Variants in FNIP2 observed in about 807,000 individuals in gnomAD.
FNIP2 encodes folliculin-interacting protein 2.
FNIP2 carries 32 observed loss-of-function variants against 108.7 expected under a neutral mutation model. The ratio of observed to expected loss-of-function variants is 0.29; its 90% CI spans 0.22 to 0.40. The LOEUF (loss-of-function observed/expected upper bound fraction) is 0.40. Among genes scored for constraint, FNIP2 ranks in the 10% least tolerant of loss-of-function variants. The probability of loss-of-function intolerance (pLI) is 1.00; values close to 1 mark genes in which losing one functional copy is unlikely to be tolerated. For missense variants in FNIP2, 1,202 were observed against 1,381.6 expected, an observed-to-expected ratio of 0.87 and a Z score of 2.06; for synonymous variants, 480 against 496.7, an observed-to-expected ratio of 0.97 and a Z score of 0.45.
At chr4:158,895,702 C>A in intron 15 of FNIP2, 48 bp from the exon 16 acceptor site, 2 of 1,156,606 alleles carry the variant, frequency 1.7e-6, no homozygotes, top group Non-Finnish European at 2.6e-6. Flanking sequence ...AAAATATTGG[C>A]AGAGATTTGA....
intron 1 of FNIP2, among the ~76,000 whole-genome samples, chr4:158,807,518 A>G (rs1324239021): frequency 6.6e-6 from 1 of 152,118 alleles, no homozygotes; most frequent in Non-Finnish European, 1.5e-5. Flanking sequence ...AAATAATAAT[A>G]ATAAAATAAA....
chr4:158,867,724 CT>C (rs775053047), intron 12 of FNIP2, among the ~76,000 whole-genome samples: 13 of 152,216 alleles, frequency 8.5e-5, no homozygotes, highest in Non-Finnish European at 1.0e-4. Context: ...CCAACAAATT[CT>C]TATTATTCTA....
At chr4:158,900,368 A>G (rs568327583) in intron 16 of FNIP2, among the ~76,000 whole-genome samples, 16 of 152,354 alleles carry the variant, frequency 1.1e-4, no homozygotes, top group Middle Eastern at 3.4e-3. Flanking sequence ...TGCTTGGTCC[A>G]GAGCTGAGTT....
intron 14 of FNIP2, among the ~76,000 whole-genome samples, chr4:158,880,280 C>T (rs554948419): frequency 7.9e-5 from 12 of 152,140 alleles, no homozygotes; most frequent in Non-Finnish European, 1.8e-4. Context: ...ATGATGAGTT[C>T]ATGTCCTTTG....
intron 6 of FNIP2, chr4:158,833,939 C>T (rs927832863): frequency 1.7e-6 from 2 of 1,192,572 alleles, no homozygotes; most frequent in Admixed American, 3.5e-5. Context: ...ATTAATAAAT[C>T]CTGTGCAGGT....
intron 1 of FNIP2, among the ~76,000 whole-genome samples, chr4:158,804,425 T>C (rs1776867891): frequency 6.6e-6 from 1 of 151,272 alleles, no homozygotes; most frequent in South Asian, 2.1e-4. Context: ...TTTTTTTTTT[T>C]TTTTTGGACA....
Position 158,907,257 on chromosome 4 carries a change from ATTTTATTTTT to A in FNIP2, c.*2715_*2724del, listed in dbSNP as rs1416136767. 6.6e-6 allele frequency: 1 copy of A among 152,212 alleles called. No individual in the cohort carries two copies. Among genetic ancestry groups the A allele is most frequent in the Non-Finnish European group, 1.5e-5 (1 of 68,024 alleles). The allele number at this position is 152,212 out of a possible 1,614,324, so 9.4% of individuals were successfully genotyped here. ...CCATACTTGTGCATAATTCCAAAGT[ATTTTATTTTT>A]TATCAATCAGTGTTAAATAGCTTTT... On this transcript the variant is annotated 3_prime_UTR_variant, in exon 17 of 17. Transcript: ENST00000264433.
At chr4:158,874,407 T>C (rs961499918) in intron 14 of FNIP2, among the ~76,000 whole-genome samples, 3 of 150,162 alleles carry the variant, frequency 2.0e-5, no homozygotes, top group Non-Finnish European at 4.4e-5. Context: ...GTGGGCCAAA[T>C]GTGATAGCTC....
At chr4:158,864,813 T>C (rs1331066627) in intron 12 of FNIP2, among the ~76,000 whole-genome samples, 2 of 152,042 alleles carry the variant, frequency 1.3e-5, no homozygotes, top group African/African-American at 2.4e-5. Flanking sequence ...CTCCTCTCCT[T>C]CTCCATCCTC....
At chr4:158,904,306 G>C (rs1729632691) in intron 16 of FNIP2, among the ~76,000 whole-genome samples, 160 bp from the exon 17 acceptor site, 1 of 152,134 alleles carries the variant, frequency 6.6e-6, no homozygotes, top group Non-Finnish European at 1.5e-5. Context: ...AAAAGAGTAA[G>C]TTTATTATCC....
chr4:158,835,493 T>C lies in FNIP2; in HGVS notation c.727+17T>C, dbSNP rs780846762. ...CTCGATCAGGTACTTGTACTCTGTT[T>C]ATTGGTTTAACTAACAGAGTGAACT... On this transcript the variant is annotated intron_variant, in intron 7 of 16. Transcript: ENST00000264433. 14 of 1,607,450 alleles carry C rather than the reference T, an allele frequency of 8.7e-6. No individual in the cohort carries two copies. The South Asian group carries it at 1.5e-4, about 18-fold the overall frequency.
intron 7 of FNIP2, among the ~76,000 whole-genome samples, chr4:158,840,416 G>T (rs1481570675): frequency 6.6e-6 from 1 of 151,472 alleles, no homozygotes; most frequent in Admixed American, 6.6e-5. Flanking sequence ...TTTTTTTTGA[G>T]ACAAGGTTTC....
chr4:158,885,025 G>T (rs1403354910), intron 14 of FNIP2, among the ~76,000 whole-genome samples: 1 of 151,508 alleles, frequency 6.6e-6, no homozygotes, highest in Non-Finnish European at 1.5e-5. Context: ...GCATGGTGGT[G>T]TGTGCCTGTA....
intron 1 of FNIP2, among the ~76,000 whole-genome samples, chr4:158,807,635 A>G (rs1777042956): frequency 6.6e-6 from 1 of 152,246 alleles, no homozygotes; most frequent in South Asian, 2.1e-4. Context: ...TAATCAGGAT[A>G]TAGTTTTTGT....
At chr4:158,802,399 G>A (rs1206273480) in intron 1 of FNIP2, among the ~76,000 whole-genome samples, 1 of 150,848 alleles carries the variant, frequency 6.6e-6, no homozygotes, top group Non-Finnish European at 1.5e-5. Context: ...TTCCTTTCAA[G>A]ATTGGACATA....
rs1307485626 is a variant in FNIP2 at position 158,859,662 on chromosome 4, T to C, written c.1144T>C (p.Phe382Leu). Residue 382 changes from phenylalanine to leucine, a missense_variant, in exon 10 of 17, where the codon TTC becomes CTC. Physicochemically the swap from Phe to Leu is conservative, Grantham distance 22. This residue lies in a region of FNIP2 where 878 missense variants were observed against 990.3 expected (regional missense o/e 0.89). Transcript: ENST00000264433. ...VSRLMEALGE[F>L]RGTIWNLYSV... Reference sequence around the variant, plus strand: ...CCGTTTGATGGAAGCTCTGGGAGAATTCAGGTAAAGTGGCAAAGTTTGGCA... The same window carrying C: ...CCGTTTGATGGAAGCTCTGGGAGAACTCAGGTAAAGTGGCAAAGTTTGGCA... The C allele has an allele frequency of 6.2e-7, 1 of 1,612,650 alleles. No individual in the cohort carries two copies. The highest frequency in any genetic ancestry group is 1.1e-5 in the South Asian group (1 of 90,658).
chr4:158,854,745 T>C (rs1041378701), intron 8 of FNIP2, among the ~76,000 whole-genome samples: 4 of 152,198 alleles, frequency 2.6e-5, no homozygotes, highest in Non-Finnish European at 4.4e-5. Context: ...AGAAATATGA[T>C]CTAATGGTAA....
intron 13 of FNIP2, among the ~76,000 whole-genome samples, chr4:158,869,858 G>A (rs1033121690): frequency 6.6e-5 from 10 of 152,188 alleles, no homozygotes; most frequent in African/African-American, 2.4e-4. Flanking sequence ...GAGGTGGTTG[G>A]GAAACAACAC....
rs1274932364 is a variant in FNIP2, at chr4:158,907,419, A to G, written c.*2875A>G. The G allele has an allele frequency of 6.6e-6, 1 of 152,158 alleles. No homozygotes were observed. The allele number at this position is 152,158 out of a possible 1,614,324, so 9.4% of individuals were successfully genotyped here. A position where few individuals can be genotyped will look rare whatever the true frequency, so the allele number is the denominator to read the frequency against. On this transcript the variant is annotated 3_prime_UTR_variant, in exon 17 of 17. Coordinates refer to ENST00000264433, the MANE Select transcript of FNIP2 (RefSeq NM_020840.3). ...TTTAAACTTAACCATATTTTTCAAA[A>G]TTAACGTTTTTGGAGGGAGAAAAAT...
Sources: gnomAD v4.1 joint callset for allele counts (sites outside exome capture counted in the v4.1 genomes callset) on GRCh38, gnomAD v4.1.1 for gene constraint, gnomAD v4.1.1 regional missense constraint, MANE v1.5 for transcripts, NCBI Gene and HGNC (gene_info 2026-07-23, HGNC 2026-07-21) for gene names.